IGF2R: variants seen among roughly 807,000 people sequenced by gnomAD.
IGF2R encodes insulin like growth factor 2 receptor, also known as cation-independent mannose-6-phosphate receptor.
A neutral mutation model predicts 270.6 loss-of-function variants in IGF2R; 91 were observed. That is an observed-to-expected ratio of 0.34 (90% CI 0.28 to 0.40). IGF2R has a LOEUF of 0.40. Ranked by LOEUF, IGF2R falls within the 10% of genes least tolerant of loss-of-function variation. The pLI is 1.00. For synonymous variants in IGF2R, 1,316 were observed against 1,258.9 expected (o/e 1.05, Z -0.96); for missense variants, 2,805 against 3,188.3 (o/e 0.88, Z 2.90).
At chr6:160,095,398 T>C (rs1245655649) in intron 44 of IGF2R, 1 of 152,470 alleles carries the variant, frequency 6.6e-6, no homozygotes, top group Admixed American at 6.5e-5. Flanking sequence ...ATTAGTGTTA[T>C]GGAAGTGCCT....
chr6:160,077,226 C>T (rs891023335), intron 36 of IGF2R, among the ~76,000 whole-genome samples: 3 of 152,190 alleles, frequency 2.0e-5, no homozygotes, highest in Admixed American at 6.5e-5. Context: ...TCAGTCCACC[C>T]ATTGCATCTG....
At position 160,068,276 on chromosome 6, in the gene IGF2R, C is replaced by T; in HGVS notation, c.4143C>T (p.Leu1381=). The change falls in exon 30 of 48, where the codon CTC becomes CTT. Residue 1381 remains leucine (L), a synonymous_variant. Coordinates refer to ENST00000356956, the MANE Select transcript of IGF2R (RefSeq NM_000876.4). Reference sequence around the variant, plus strand: ...ATGGGGCTGGCAACTCCTTCGACCTCTCGTCCCTGTCAAGGTACAGTGACA... The same window carrying T: ...ATGGGGCTGGCAACTCCTTCGACCTTTCGTCCCTGTCAAGGTACAGTGACA... The part of the protein sequence containing the change: ...FKDGAGNSFD[L]SSLSRYSDNW... 1.2e-6 allele frequency: 2 copies of T among 1,614,250 alleles called. No individual in the cohort carries two copies. Among genetic ancestry groups the T allele is most frequent in the South Asian group, 1.1e-5 (1 of 91,088 alleles).
rs1778465057 is a variant in IGF2R at position 160,062,590 on chromosome 6, T to C, written c.3641T>C (p.Val1214Ala). The C allele has an allele frequency of 1.2e-6, 2 of 1,613,924 alleles. No individual in the cohort carries two copies. The highest frequency in any genetic ancestry group is 3.3e-5 in the Admixed American group (2 of 60,004). Residue 1214 changes from valine (V) to alanine (A), a missense_variant, in exon 26 of 48, where the codon GTG becomes GCG. This residue lies in a region of IGF2R where 1,851 missense variants were observed against 2,207.2 expected (regional missense o/e 0.84). Coordinates refer to ENST00000356956, the MANE Select transcript of IGF2R (RefSeq NM_000876.4). ...GAGTACGTGTTTATCTGGAGAACTG[T>C]GGAAGCCTGTCCCGTTGTCAGAGTG... ...GCEYVFIWRTVEACPVVRVEG... is the reference protein window; with the variant it reads ...GCEYVFIWRTAEACPVVRVEG...
intron 10 of IGF2R, among the ~76,000 whole-genome samples, chr6:160,036,248 C>T (rs1777821728): frequency 6.6e-6 from 1 of 152,130 alleles, no homozygotes; most frequent in Non-Finnish European, 1.5e-5. Flanking sequence ...CTCCCTGCAC[C>T]CCTCAGCTTC....
At chr6:159,970,553 GAA>G (rs1185166645) in intron 1 of IGF2R, among the ~76,000 whole-genome samples, 1 of 152,170 alleles carries the variant, frequency 6.6e-6, no homozygotes, top group Non-Finnish European at 1.5e-5. Flanking sequence ...TCTCACGATA[GAA>G]ACTCTTTGGA....
rs1406110093 is a variant in IGF2R at position 160,109,231 on chromosome 6, A to G, written c.*4147A>G. On this transcript the variant is annotated 3_prime_UTR_variant, in exon 48 of 48. Transcript: ENST00000356956. ...AACCCAGGTGAGGTCATCTGGTGCC[A>G]CTCAGCCCCATCCCAGAGAAAGCAG... is the stretch of plus-strand genomic sequence containing the variant. 1 of 152,176 alleles carries G rather than the reference A, an allele frequency of 6.6e-6. No individual in the cohort carries two copies. Among genetic ancestry groups the G allele is most frequent in the Admixed American group, 6.5e-5 (1 of 15,290 alleles). 9.4% of individuals were successfully genotyped at this position (152,176 alleles called of 1,614,324 possible).
At position 160,047,143 on chromosome 6, in the gene IGF2R, CGT is replaced by C. The variant is rs779373192; in HGVS notation, c.2052-11_2052-10del. 1 of 1,612,998 alleles carries C rather than the reference CGT, an allele frequency of 6.2e-7. No homozygotes were observed. Among genetic ancestry groups the C allele is most frequent in the Non-Finnish European group, 8.5e-7 (1 of 1,179,154 alleles). On this transcript the variant is annotated splice_polypyrimidine_tract_variant and intron_variant, in intron 15 of 47. Transcript: ENST00000356956. Reference sequence around the variant, plus strand: ...CCCCTCAGGTCTTTGCTGAGAGAAACGTGTGTTTATTTCAGTGATGAGAAGAC... The same window carrying C: ...CCCCTCAGGTCTTTGCTGAGAGAAACGTGTTTATTTCAGTGATGAGAAGAC...
Position 159,970,698 on chromosome 6 carries a change from G to A in IGF2R, c.149+1303G>A, listed in dbSNP as rs529658294. Among the ~76,000 whole-genome samples, 7 of 152,368 alleles carry A rather than the reference G, an allele frequency of 4.6e-5. No homozygotes were observed. In the South Asian group the frequency reaches 6.2e-4, roughly 14 times the overall value. The stretch of plus-strand genomic sequence containing the variant: ...ACTCCAGTAACTAGTATGATACAGA[G>A]AAATGGTGGCAGCTTAAACGAGGTC... On this transcript the variant is annotated intron_variant, in intron 1 of 47. Coordinates refer to ENST00000356956, the MANE Select transcript of IGF2R (RefSeq NM_000876.4).
At chr6:160,019,780 ACT>A (rs1777390522) in intron 4 of IGF2R, among the ~76,000 whole-genome samples, 1 of 152,192 alleles carries the variant, frequency 6.6e-6, no homozygotes, top group East Asian at 1.9e-4. Context: ...AAAAGACAAC[ACT>A]CAAAAAATAT....
intron 1 of IGF2R, among the ~76,000 whole-genome samples, chr6:159,976,296 T>G (rs1223698292): frequency 6.6e-6 from 1 of 152,158 alleles, no homozygotes; most frequent in Non-Finnish European, 1.5e-5. Context: ...GTATTCATAT[T>G]TAATAAGTAG....
rs891695247 is a variant in IGF2R at position 160,105,245 on chromosome 6, C to T, written c.*161C>T. 4.9e-6 allele frequency: 3 copies of T among 609,652 alleles called. No homozygotes were observed. The Admixed American group carries it at 9.4e-5, about 19-fold the overall frequency. The allele number at this position is 609,652 out of a possible 1,614,324, so 37.8% of individuals were successfully genotyped here. A position where few individuals can be genotyped will look rare whatever the true frequency, so the allele number is the denominator to read the frequency against. On this transcript the variant is annotated 3_prime_UTR_variant, in exon 48 of 48. Coordinates refer to ENST00000356956, the MANE Select transcript of IGF2R (RefSeq NM_000876.4). The stretch of plus-strand genomic sequence containing the variant: ...GGGGAGAGGGTGAAGGAGGTCAGGC[C>T]CCACTCCTTCCTGATTGTTTACAGT...
chr6:160,013,433 A>T (rs948964844), intron 4 of IGF2R, among the ~76,000 whole-genome samples: 1 of 146,598 alleles, frequency 6.8e-6, no homozygotes, highest in Non-Finnish European at 1.5e-5. Flanking sequence ...AAAAAAAAAA[A>T]GGTGCTGATC....
chr6:160,029,043 G>A (rs1777630946), intron 6 of IGF2R, among the ~76,000 whole-genome samples: 1 of 152,132 alleles, frequency 6.6e-6, no homozygotes, highest in African/African-American at 2.4e-5. Context: ...GAGTGCAGTG[G>A]TGTGATTTTG....
chr6:160,030,091 C>T (rs190022752), intron 7 of IGF2R, among the ~76,000 whole-genome samples: 65 of 152,330 alleles, frequency 4.3e-4, no homozygotes, highest in Middle Eastern at 3.4e-3. Flanking sequence ...AAACCCCCAT[C>T]CATGCCTTCT....
chr6:160,065,119 G>A (rs1778538694), intron 29 of IGF2R, among the ~76,000 whole-genome samples: 1 of 152,218 alleles, frequency 6.6e-6, no homozygotes, highest in African/African-American at 2.4e-5. Context: ...GATTGGAGCT[G>A]AAGCAGAGAG....
chr6:160,060,742 G>A (rs1297734917), intron 23 of IGF2R, 25 bp downstream of exon 23: 2 of 1,612,372 alleles, frequency 1.2e-6, no homozygotes, highest in Non-Finnish European at 1.7e-6. Context: ...CCTAAGAACT[G>A]AGAGGCCGGT....
At position 159,984,194 on chromosome 6, in the gene IGF2R, C is replaced by T. The variant is rs111542860; in HGVS notation, c.150-6990C>T. The stretch of plus-strand genomic sequence containing the variant: ...ATGACATTAAAAACGAGAAGAGAAG[C>T]GTTTTGGCCAATGACGGACTGCATA... On this transcript the variant is annotated intron_variant, in intron 1 of 47. Coordinates refer to ENST00000356956, the MANE Select transcript of IGF2R (RefSeq NM_000876.4). Among the ~76,000 whole-genome samples the T allele has an allele frequency of 1.8e-3, 277 of 152,286 alleles. 3 individuals carry two copies. The highest frequency in any genetic ancestry group is 6.3e-3 in the African/African-American group (260 of 41,538).
chr6:160,102,124 T>C lies in IGF2R; in HGVS notation c.6843-395T>C, dbSNP rs528624275. On this transcript the variant is annotated intron_variant, in intron 45 of 47. Transcript: ENST00000356956. The surrounding 1 kb of genome is among the most constrained non-coding windows in gnomAD (Gnocchi z 4.5). ...CGCTCACTGCTTCCAGAAGAAATTC[T>C]GAGAGGAAAGAGCTCTGACCCTGGA... Among the ~76,000 whole-genome samples the C allele has an allele frequency of 2.6e-5, 4 of 152,320 alleles. No individual in the cohort carries two copies. The East Asian group carries it at 7.7e-4, about 29-fold the overall frequency.
chr6:160,056,551 G>A (rs771148660), intron 20 of IGF2R, 26 bp downstream of exon 20: 58 of 1,448,630 alleles, frequency 4.0e-5, no homozygotes, highest in Non-Finnish European at 5.2e-5. Context: ...CCTGGCCCTC[G>A]TGCTGAGCTG....
Sources: allele counts gnomAD v4.1 joint callset (sites outside exome capture counted in the v4.1 genomes callset), GRCh38; gene constraint gnomAD v4.1.1; regional missense constraint gnomAD v4.1.1; non-coding constraint Gnocchi (gnomAD v3.1); transcripts MANE v1.5; gene names NCBI Gene and HGNC (gene_info 2026-07-23, HGNC 2026-07-21).